Variants in NKAIN2 observed in about 807,000 individuals in gnomAD.
The protein encoded by NKAIN2 is sodium/potassium-transporting ATPase subunit beta-1-interacting protein 2.
Under a neutral mutation model 32.6 loss-of-function variants are expected in NKAIN2, and 14 were observed. The ratio of observed to expected loss-of-function variants is 0.43; its 90% CI spans 0.28 to 0.67. The LOEUF is 0.67. Among genes scored for constraint, NKAIN2 ranks in the 30% least tolerant of loss-of-function variants. NKAIN2 has a pLI of 0.17. For synonymous variants in NKAIN2, 80 were observed against 87.2 expected (o/e 0.92, Z 0.46); for missense variants, 198 against 258.3 (o/e 0.77, Z 1.60).
intron 3 of NKAIN2, among the ~76,000 whole-genome samples, chr6:124,582,178 G>A (rs974278793): frequency 4.6e-5 from 7 of 151,820 alleles, no homozygotes; most frequent in Admixed American, 1.3e-4. Context: ...AGATAAAAAA[G>A]GAGACATTAC....
chr6:124,441,604 G>A (rs1440940633), intron 3 of NKAIN2, among the ~76,000 whole-genome samples: 2 of 152,074 alleles, frequency 1.3e-5, no homozygotes, highest in Non-Finnish European at 2.9e-5. Context: ...CCAGCTGAGA[G>A]CCAGTATCTA....
At chr6:124,231,076 C>T (rs191246874) in intron 1 of NKAIN2, among the ~76,000 whole-genome samples, 36 of 152,350 alleles carry the variant, frequency 2.4e-4, no homozygotes, top group Admixed American at 2.1e-3. Flanking sequence ...TACCCAAGAC[C>T]GTGGGAACCC....
At chr6:124,779,301 A>T (rs1583849271) in intron 4 of NKAIN2, among the ~76,000 whole-genome samples, 1 of 47,314 alleles carries the variant, frequency 2.1e-5, no homozygotes, top group Non-Finnish European at 3.9e-5. Flanking sequence ...GGAAGGAGGG[A>T]GGGAGGGAGG....
intron 5 of NKAIN2, among the ~76,000 whole-genome samples, chr6:124,809,246 C>T: frequency 6.6e-6 from 1 of 151,180 alleles, no homozygotes; most frequent in Non-Finnish European, 1.5e-5. Context: ...TACAAGGCTA[C>T]AGTAACCAAA....
intron 3 of NKAIN2, among the ~76,000 whole-genome samples, chr6:124,628,950 C>CTA (rs1302957890): frequency 6.6e-6 from 1 of 152,118 alleles, no homozygotes; most frequent in African/African-American, 2.4e-5. Flanking sequence ...TGTGAGCATT[C>CTA]TACAGATCAG....
At position 124,791,342 on chromosome 6, in the gene NKAIN2, G is replaced by A; in HGVS notation, c.478G>A (p.Ala160Thr). ...HSSLQIVLAL[A>T]GFIYACYVVK... is the part of the protein sequence containing the mutation. The stretch of plus-strand genomic sequence containing the variant: ...AAGCATCTCTGTTTTGTTTCAGCTG[G>A]CAGGTTTCATCTACGCCTGTTATGT... Residue 160 changes from alanine (A) to threonine (T), a missense_variant, in exon 5 of 7, where the codon GCA becomes ACA. Ala to Thr is a moderately conservative substitution (Grantham distance 58). Coordinates refer to ENST00000368417, the MANE Select transcript of NKAIN2 (RefSeq NM_001040214.3). The A allele has an allele frequency of 6.2e-7, 1 of 1,607,436 alleles. No individual in the cohort carries two copies. The highest frequency in any genetic ancestry group is 8.5e-7 in the Non-Finnish European group (1 of 1,175,198).
At chr6:124,126,300 G>GTA (rs1411806145) in intron 1 of NKAIN2, among the ~76,000 whole-genome samples, 2 of 152,068 alleles carry the variant, frequency 1.3e-5, no homozygotes, top group African/African-American at 4.8e-5. Context: ...TAGCAAATAT[G>GTA]CCACAGTTCC....
intron 2 of NKAIN2, among the ~76,000 whole-genome samples, chr6:124,338,647 CAAAA>C (rs529895632): frequency 1.3e-5 from 2 of 151,762 alleles, no homozygotes; most frequent in Admixed American, 6.6e-5. Flanking sequence ...TAAAAACAAA[CAAAA>C]AAAGTCTTAT....
chr6:124,073,865 G>C (rs960872051), intron 1 of NKAIN2, among the ~76,000 whole-genome samples: 1 of 151,994 alleles, frequency 6.6e-6, no homozygotes, highest in Non-Finnish European at 1.5e-5. Flanking sequence ...CTAAACAATT[G>C]GGGGTTCTTA....
intron 1 of NKAIN2, among the ~76,000 whole-genome samples, chr6:124,090,234 T>C (rs1029311907): frequency 1.3e-5 from 2 of 152,094 alleles, no homozygotes; most frequent in African/African-American, 2.4e-5. Context: ...CCTTCAGCTC[T>C]TCTGTACATA....
intron 1 of NKAIN2, among the ~76,000 whole-genome samples, chr6:124,121,164 C>A (rs888149784): frequency 6.6e-6 from 1 of 152,046 alleles, no homozygotes; most frequent in African/African-American, 2.4e-5. Flanking sequence ...GTAATCACTC[C>A]TCACCTTGCC....
At chr6:124,402,240 A>G (rs1407257367) in intron 3 of NKAIN2, among the ~76,000 whole-genome samples, 2 of 152,152 alleles carry the variant, frequency 1.3e-5, no homozygotes, top group African/African-American at 4.8e-5. Flanking sequence ...TTATTGACTT[A>G]CCTTTCACAT....
intron 1 of NKAIN2, among the ~76,000 whole-genome samples, chr6:123,862,564 C>G (rs931276944): frequency 1.3e-5 from 2 of 152,180 alleles, no homozygotes; most frequent in African/African-American, 4.8e-5. Flanking sequence ...CCCCGGCCAA[C>G]TACAGTATGG....
At chr6:124,760,593 C>T (rs1385118539) in intron 4 of NKAIN2, among the ~76,000 whole-genome samples, 1 of 151,986 alleles carries the variant, frequency 6.6e-6, no homozygotes, top group African/African-American at 2.4e-5. Context: ...GTGGCCAATA[C>T]CAGATTTTTT....
chr6:124,488,024 T>A (rs1195058086), intron 3 of NKAIN2, among the ~76,000 whole-genome samples: 1 of 152,098 alleles, frequency 6.6e-6, no homozygotes, highest in Non-Finnish European at 1.5e-5. Context: ...AATACTACTC[T>A]AGAAATTCCC....
At chr6:124,758,361 C>T (rs937275034) in intron 4 of NKAIN2, among the ~76,000 whole-genome samples, 1 of 152,136 alleles carries the variant, frequency 6.6e-6, no homozygotes, top group Non-Finnish European at 1.5e-5. Context: ...TTAGAAAGCT[C>T]TCTTGCCCCT....
intron 5 of NKAIN2, among the ~76,000 whole-genome samples, chr6:124,808,485 A>C (rs1780707832): frequency 1.3e-5 from 2 of 152,212 alleles, no homozygotes; most frequent in South Asian, 4.1e-4. Flanking sequence ...GACGTATCTC[A>C]AAATAATAGG....
intron 1 of NKAIN2, among the ~76,000 whole-genome samples, chr6:123,913,727 G>A (rs1169591338): frequency 6.6e-6 from 1 of 151,918 alleles, no homozygotes; most frequent in East Asian, 1.9e-4. Flanking sequence ...CTAATTACCA[G>A]ATTTTAATAT....
chr6:123,926,600 C>T (rs1776016813), intron 1 of NKAIN2, among the ~76,000 whole-genome samples: 2 of 152,130 alleles, frequency 1.3e-5, no homozygotes, highest in Non-Finnish European at 2.9e-5. Context: ...CCACCTGCCT[C>T]GCAACACTCT....
Sources: gnomAD v4.1 joint callset for allele counts (sites outside exome capture counted in the v4.1 genomes callset) on GRCh38, gnomAD v4.1.1 for gene constraint, MANE v1.5 for transcripts, NCBI Gene and HGNC (gene_info 2026-07-23, HGNC 2026-07-21) for gene names.